The following GADD45A variants were observed in gnomAD, a reference collection of about 807,000 sequenced individuals.
The protein encoded by GADD45A is growth arrest and DNA damage inducible alpha.
GADD45A carries 9 observed loss-of-function variants against 17.7 expected under a neutral mutation model. The ratio of observed to expected loss-of-function variants is 0.51; its 90% CI spans 0.31 to 0.89. The LOEUF (loss-of-function observed/expected upper bound fraction) is 0.89. Among genes scored for constraint, GADD45A ranks in the 40% least tolerant of loss-of-function variants. GADD45A has a pLI of 0.05. For missense variants in GADD45A, 149 were observed against 220.6 expected (o/e 0.68, Z 2.06); for synonymous variants, 95 against 92.2 (o/e 1.03, Z -0.17).
chr1:67,687,866 C>T lies in GADD45A; in HGVS notation c.*92C>T. 1.2e-6 allele frequency: 1 copy of T among 822,580 alleles called. No individual in the cohort carries two copies. The highest frequency in any genetic ancestry group is 1.9e-5 in the Admixed American group (1 of 52,904). The allele number at this position is 822,580 out of a possible 1,614,324, so 51.0% of individuals were successfully genotyped here. A position where few individuals can be genotyped will look rare whatever the true frequency, so the allele number is the denominator to read the frequency against. On this transcript the variant is annotated 3_prime_UTR_variant, in exon 4 of 4. Transcript: ENST00000370986. The stretch of plus-strand genomic sequence containing the variant: ...CAAGCAGTTACTCCCTACACTGATG[C>T]AAGGATTACAGAAACTGATGCCAAG...
Position 67,685,386 on chromosome 1 carries a change from C to T in GADD45A, c.-109C>T, listed in dbSNP as rs963661436. ...CCGGAGAGCGCCAGGGCCTGAGCTG[C>T]CGGAGCGGCGCCTGTGAGTGAGTGC... On this transcript the variant is annotated 5_prime_UTR_variant, in exon 1 of 4. Transcript: ENST00000370986. 3.7e-5 allele frequency: 39 copies of T among 1,051,846 alleles called. No homozygotes were observed. The highest frequency in any genetic ancestry group is 4.8e-5 in the Non-Finnish European group (34 of 711,276). 65.2% of individuals were successfully genotyped at this position (1,051,846 alleles called of 1,614,324 possible).
chr1:67,686,013 G>A lies in GADD45A; in HGVS notation c.45-12G>A, dbSNP rs963879913. 1.9e-6 allele frequency: 3 copies of A among 1,585,780 alleles called. No individual in the cohort carries two copies. Among genetic ancestry groups the A allele is most frequent in the Non-Finnish European group, 2.6e-6 (3 of 1,164,568 alleles). ...GGGGCTGACGGGACCCCTCGCCCTT[G>A]CCCGCGTGTAGGATGGATAAGGTGG... On this transcript the variant is annotated splice_polypyrimidine_tract_variant and intron_variant, in intron 1 of 3. Transcript: ENST00000370986.
At chr1:67,685,587 C>T in intron 1 of GADD45A, 49 bp downstream of exon 1, 1 of 1,565,588 alleles carries the variant, frequency 6.4e-7, no homozygotes, top group Non-Finnish European at 8.7e-7. Flanking sequence ...TTACCTACCC[C>T]GCGCTCCCCG....
chr1:67,687,866 C>G lies in GADD45A; in HGVS notation c.*92C>G, dbSNP rs1414039553. The G allele has an allele frequency of 3.6e-6, 3 of 822,462 alleles. No homozygotes were observed. Among genetic ancestry groups the G allele is most frequent in the Non-Finnish European group, 4.2e-6 (2 of 480,614 alleles). The allele number at this position is 822,462 out of a possible 1,614,324, so 50.9% of individuals were successfully genotyped here. On this transcript the variant is annotated 3_prime_UTR_variant, in exon 4 of 4. Coordinates refer to ENST00000370986, the MANE Select transcript of GADD45A (RefSeq NM_001924.4). Reference sequence around the variant, plus strand: ...CAAGCAGTTACTCCCTACACTGATGCAAGGATTACAGAAACTGATGCCAAG... The same window carrying G: ...CAAGCAGTTACTCCCTACACTGATGGAAGGATTACAGAAACTGATGCCAAG...
chr1:67,685,976 C>T (rs1308621055), intron 1 of GADD45A, 49 bp from the exon 2 acceptor site: 3 of 1,315,648 alleles, frequency 2.3e-6, no homozygotes, highest in Non-Finnish European at 2.1e-6. Context: ...CGGCGATGGC[C>T]CCGAGGGCAC....
In GADD45A at chr1:67,686,368, G is replaced by A. The variant is rs759954984; in HGVS notation, c.165G>A (p.Val55=). ...KLLNVDPDNV[V]LCLLAADEDD... Reference sequence around the variant, plus strand: ...CCCCCAGCGACCCCGATAACGTGGTGTTGTGCCTGCTGGCGGCGGACGAGG... The same window carrying A: ...CCCCCAGCGACCCCGATAACGTGGTATTGTGCCTGCTGGCGGCGGACGAGG... The change falls in exon 3 of 4, where the codon GTG becomes GTA. Residue 55 remains valine (V), a synonymous_variant. Transcript: ENST00000370986. 1.1e-5 allele frequency: 18 copies of A among 1,613,296 alleles called. No individual in the cohort carries two copies. The highest frequency in any genetic ancestry group is 1.5e-5 in the Non-Finnish European group (18 of 1,179,712).
rs1195122745 is a variant in GADD45A at position 67,685,520 on chromosome 1, G to C, written c.26G>C (p.Gly9Ala). The change falls in exon 1 of 4, where the codon GGA (glycine) becomes GCA (alanine). Residue 9 changes from glycine to alanine, a missense_variant. Coordinates refer to ENST00000370986, the MANE Select transcript of GADD45A (RefSeq NM_001924.4). Reference protein sequence around the residue: MTLEEFSAGEQKTERMDKV... With the variant: MTLEEFSAAEQKTERMDKV... The stretch of plus-strand genomic sequence containing the variant: ...ATGACTTTGGAGGAATTCTCGGCTG[G>C]AGAGCAGAAGACCGAAAGGTGAGTC... The C allele has an allele frequency of 2.5e-6, 4 of 1,610,312 alleles. No homozygotes were observed. The highest frequency in any genetic ancestry group is 2.2e-5 in the East Asian group (1 of 44,820).
Position 67,685,461 on chromosome 1 carries a change from G to A in GADD45A, c.-34G>A. 1.9e-6 allele frequency: 3 copies of A among 1,592,918 alleles called. No homozygotes were observed. Among genetic ancestry groups the A allele is most frequent in the Non-Finnish European group, 2.6e-6 (3 of 1,168,616 alleles). ...CCGTGGCAGGAGCAGCCCGCACGCC[G>A]CGCTCTCTCCCTGGGCGACCTGCAG... On this transcript the variant is annotated 5_prime_UTR_variant, in exon 1 of 4. Coordinates refer to ENST00000370986, the MANE Select transcript of GADD45A (RefSeq NM_001924.4).
chr1:67,686,785 A>G (rs115300969), intron 3 of GADD45A, among the ~76,000 whole-genome samples, 198 bp downstream of exon 3: 50 of 152,322 alleles, frequency 3.3e-4, no homozygotes, highest in African/African-American at 1.1e-3. Context: ...GAACATGTCT[A>G]AGCATGCTGG....
intron 3 of GADD45A, among the ~76,000 whole-genome samples, chr1:67,687,332 C>T (rs1158828607): frequency 6.6e-6 from 1 of 152,176 alleles, no homozygotes; most frequent in African/African-American, 2.4e-5. Flanking sequence ...AAAACTGTTT[C>T]ACTCAGGTCA....
Position 67,686,328 on chromosome 1 carries a change from T to G in GADD45A, c.147-22T>G, listed in dbSNP as rs778607027. On this transcript the variant is annotated intron_variant, in intron 2 of 3. Transcript: ENST00000370986. ...AGGGCGCCCGCGCTTCTGCGCTCAC[T>G]GGCCCCGCCCGCTGCCCCCAGCGAC... is the stretch of plus-strand genomic sequence containing the variant. 2.9e-5 allele frequency: 46 copies of G among 1,603,852 alleles called. No homozygotes were observed. In the East Asian group the frequency reaches 3.4e-4, roughly 12 times the overall value.
Position 67,687,728 on chromosome 1 carries a change from G to A in GADD45A, c.452G>A (p.Arg151His), listed in dbSNP as rs766691002. ...SQLICFCRES[R>H]YMDQWVPVIN... The stretch of plus-strand genomic sequence containing the variant: ...CTTATTTGTTTTTGCCGGGAAAGTC[G>A]CTACATGGATCAATGGGTTCCAGTG... The change falls in exon 4 of 4, where the codon CGC (arginine) becomes CAC (histidine). Residue 151 changes from arginine to histidine, a missense_variant. Transcript: ENST00000370986. The A allele has an allele frequency of 1.2e-6, 2 of 1,613,090 alleles. No individual in the cohort carries two copies. The highest frequency in any genetic ancestry group is 1.7e-6 in the Non-Finnish European group (2 of 1,179,670).
In GADD45A at chr1:67,686,557, GC is replaced by G; in HGVS notation, c.359del (p.Pro120ArgfsTer8). On this transcript the variant is annotated frameshift_variant, in exon 3 of 4. Transcript: ENST00000370986. LOFTEE classifies it high-confidence loss of function. ...CCGCGGCGAGCGAGGGCGCCGAGCA[GC>G]CCCCGGACCTGCACTGCGTGCTGGT... ...GPAASEGAEQ[P>X]PDLHCVLVTN... is the part of the protein sequence containing the mutation. 1 of 1,611,880 alleles carries G rather than the reference GC, an allele frequency of 6.2e-7. No individual in the cohort carries two copies. The highest frequency in any genetic ancestry group is 8.5e-7 in the Non-Finnish European group (1 of 1,179,064).
In GADD45A at chr1:67,688,038, G is replaced by A; in HGVS notation, c.*264G>A. On this transcript the variant is annotated 3_prime_UTR_variant, in exon 4 of 4. Coordinates refer to ENST00000370986, the MANE Select transcript of GADD45A (RefSeq NM_001924.4). ...AAATTACAAAGAACCATGCAGGAAGGAAAACTATGTATTAATTTAGAATGG... is the reference window on the plus strand; with the variant it reads ...AAATTACAAAGAACCATGCAGGAAGAAAAACTATGTATTAATTTAGAATGG... 2.8e-6 allele frequency: 1 copy of A among 362,224 alleles called. No homozygotes were observed. Among genetic ancestry groups the A allele is most frequent in the Non-Finnish European group, 5.0e-6 (1 of 199,628 alleles). 22.4% of individuals were successfully genotyped at this position (362,224 alleles called of 1,614,324 possible). A position where few individuals can be genotyped will look rare whatever the true frequency, so the allele number is the denominator to read the frequency against.
In GADD45A at chr1:67,686,585, A is replaced by C; in HGVS notation, c.382A>C (p.Thr128Pro). The change falls in exon 3 of 4, where the codon ACG becomes CCG. Residue 128 changes from threonine to proline, a missense_variant and splice_region_variant. Coordinates refer to ENST00000370986, the MANE Select transcript of GADD45A (RefSeq NM_001924.4). ...QPPDLHCVLVTNPHSSQWKDP... is the reference protein window; with the variant it reads ...QPPDLHCVLVPNPHSSQWKDP... ...CCCGGACCTGCACTGCGTGCTGGTGACGGTAAGGGACTGGGGGACTGCAGC... is the reference window on the plus strand; with the variant it reads ...CCCGGACCTGCACTGCGTGCTGGTGCCGGTAAGGGACTGGGGGACTGCAGC... The C allele has an allele frequency of 6.2e-7, 1 of 1,609,118 alleles. No homozygotes were observed.
chr1:67,686,230 C>A, intron 2 of GADD45A, 104 bp downstream of exon 2: 1 of 1,373,750 alleles, frequency 7.3e-7, no homozygotes, highest in Non-Finnish European at 1.0e-6. Context: ...CTTCCTGTCG[C>A]TTTTCTGCCT....
At chr1:67,686,258 G>A (rs1646132754) in intron 2 of GADD45A, 92 bp from the exon 3 acceptor site, 1 of 1,384,972 alleles carries the variant, frequency 7.2e-7, no homozygotes, top group Non-Finnish European at 9.9e-7. Flanking sequence ...AAGGGAGGGG[G>A]CGAGCGGGCC....
At chr1:67,685,682 C>T (rs1570457457) in intron 1 of GADD45A, 144 bp downstream of exon 1, 1 of 770,246 alleles carries the variant, frequency 1.3e-6, no homozygotes, top group South Asian at 1.7e-5. Flanking sequence ...CCTCGGGACT[C>T]TCCGTGGAGC....
At position 67,685,271 on chromosome 1, in the gene GADD45A, C is replaced by T; in HGVS notation, c.-224C>T. On this transcript the variant is annotated 5_prime_UTR_variant, in exon 1 of 4. Transcript: ENST00000370986. Reference sequence around the variant, plus strand: ...CGTGCGGCCCGTGGCGAGGCGAGGTCCGGGGAGCGAGCGAGCAAGCAAGGC... The same window carrying T: ...CGTGCGGCCCGTGGCGAGGCGAGGTTCGGGGAGCGAGCGAGCAAGCAAGGC... The T allele has an allele frequency of 1.9e-6, 1 of 513,498 alleles. No homozygotes were observed. The highest frequency in any genetic ancestry group is 2.5e-5 in the South Asian group (1 of 39,732). 31.8% of individuals were successfully genotyped at this position (513,498 alleles called of 1,614,324 possible). A position where few individuals can be genotyped will look rare whatever the true frequency, so the allele number is the denominator to read the frequency against.
Sources: allele counts gnomAD v4.1 joint callset (sites outside exome capture counted in the v4.1 genomes callset), GRCh38; gene constraint gnomAD v4.1.1; transcripts MANE v1.5; gene names NCBI Gene and HGNC (gene_info 2026-07-23, HGNC 2026-07-21).